Variants in GLRA3 observed in about 807,000 individuals in gnomAD.
The protein encoded by GLRA3 is glycine receptor subunit alpha-3.
Under a neutral mutation model 60.4 loss-of-function variants are expected in GLRA3, and 44 were observed. The observed-to-expected ratio is 0.73, with a 90% CI of 0.57 to 0.94. GLRA3 has a LOEUF of 0.94. Among genes scored for constraint, GLRA3 ranks in the 40% least tolerant of loss-of-function variants. GLRA3 has a pLI of 0.00. For synonymous variants in GLRA3, 223 were observed against 192.9 expected, an observed-to-expected ratio of 1.16 and a Z score of -1.29; for missense variants, 508 against 564.6, an observed-to-expected ratio of 0.90 and a Z score of 1.02.
At chr4:174,812,551 T>C (rs1260014671) in intron 1 of GLRA3, among the ~76,000 whole-genome samples, 1 of 151,890 alleles carries the variant, frequency 6.6e-6, no homozygotes, top group East Asian at 1.9e-4. Context: ...AGGAGAAAAT[T>C]AAACAATAAA....
chr4:174,788,853 T>G lies in GLRA3; in HGVS notation c.162A>C (p.Thr54=). The change falls in exon 2 of 10, where the codon ACA becomes ACC. Residue 54 remains threonine (T), a synonymous_variant. Transcript: ENST00000274093. ...GTCTGATTCTTGCATCATATCCTGA[T>G]GTCCTGCCCATTAATTTATCCAGAA... ...SDFLDKLMGR[T]SGYDARIRPN... is the part of the protein sequence containing the mutation. The G allele has an allele frequency of 6.2e-7, 1 of 1,608,944 alleles. No individual in the cohort carries two copies. Among genetic ancestry groups the G allele is most frequent in the Non-Finnish European group, 8.5e-7 (1 of 1,176,326 alleles).
chr4:174,816,955 A>C lies in GLRA3; in HGVS notation c.71+11786T>G, dbSNP rs564572964. On this transcript the variant is annotated intron_variant, in intron 1 of 9. Coordinates refer to ENST00000274093, the MANE Select transcript of GLRA3 (RefSeq NM_006529.4). ...AAAATGGGGTATCCACCCCTCAACT[A>C]TTTCCATATTACTTCTTTAGTGATA... 2.0e-5 allele frequency among the ~76,000 whole-genome samples: 3 copies of C among 152,176 alleles called. No individual in the cohort carries two copies. The South Asian group carries it at 6.2e-4, about 32-fold the overall frequency.
Position 174,649,172 on chromosome 4 carries a change from A to G in GLRA3, c.1117-5108T>C, listed in dbSNP as rs558793251. 2.6e-5 allele frequency among the ~76,000 whole-genome samples: 4 copies of G among 152,298 alleles called. No individual in the cohort carries two copies. The South Asian group carries it at 8.3e-4, about 32-fold the overall frequency. On this transcript the variant is annotated intron_variant, in intron 9 of 9. Transcript: ENST00000274093. ...GTTAAAGATGAATTGTCATGGGGGT[A>G]GTGAACACAGCTTCTTGCAATTACC...
intron 3 of GLRA3, among the ~76,000 whole-genome samples, chr4:174,737,190 TA>T (rs1736832193): frequency 6.6e-6 from 1 of 152,166 alleles, no homozygotes. Context: ...TTTACCAAAA[TA>T]AATAATGTGA....
In GLRA3 at chr4:174,717,348, G is replaced by T. The variant is rs188273095; in HGVS notation, c.492-1778C>A. Among the ~76,000 whole-genome samples the T allele has an allele frequency of 2.4e-3, 340 of 141,098 alleles. 2 individuals are homozygous for T. Among genetic ancestry groups the T allele is most frequent in the African/African-American group, 8.2e-3 (317 of 38,654 alleles). The allele number at this position is 141,098 out of a possible 152,430, so 92.6% of individuals were successfully genotyped here. On this transcript the variant is annotated intron_variant, in intron 4 of 9. Transcript: ENST00000274093. Reference sequence around the variant, plus strand: ...GAAACAAAGAAACAAAGAAAGGAGGGAGGAAAGAAAGAAGGAAAGGAAGGA... The same window carrying T: ...GAAACAAAGAAACAAAGAAAGGAGGTAGGAAAGAAAGAAGGAAAGGAAGGA...
intron 9 of GLRA3, among the ~76,000 whole-genome samples, chr4:174,647,533 AC>A (rs1448399569): frequency 6.6e-6 from 1 of 152,162 alleles, no homozygotes; most frequent in Non-Finnish European, 1.5e-5. Context: ...TTGGAAGGAC[AC>A]TGCCCTTAAT....
In GLRA3 at chr4:174,772,745, G is replaced by T. The variant is rs372563522; in HGVS notation, c.200-5715C>A. ...GGAGCCATAACAGATTCTTAACCTT[G>T]GAAGTGTAGGAACTAACATGACTCG... On this transcript the variant is annotated intron_variant, in intron 2 of 9. Coordinates refer to ENST00000274093, the MANE Select transcript of GLRA3 (RefSeq NM_006529.4). Among the ~76,000 whole-genome samples the T allele has an allele frequency of 2.6e-5, 4 of 152,204 alleles. No individual in the cohort carries two copies. The East Asian group carries it at 7.7e-4, about 29-fold the overall frequency.
chr4:174,727,666 A>G (rs530064787), intron 4 of GLRA3, among the ~76,000 whole-genome samples: 1 of 152,318 alleles, frequency 6.6e-6, no homozygotes, highest in African/African-American at 2.4e-5. Context: ...ATATCATGTA[A>G]GTAGCTATTT....
At position 174,637,187 on chromosome 4, in the gene GLRA3, T is replaced by A. The variant is rs1025128265; in HGVS notation, c.*6599A>T. On this transcript the variant is annotated 3_prime_UTR_variant, in exon 10 of 10. Transcript: ENST00000274093. Reference sequence around the variant, plus strand: ...AAGACTCAAGAAGACAGAAAAATAATTTACACCATAAAAACCATAAAATAG... The same window carrying A: ...AAGACTCAAGAAGACAGAAAAATAAATTACACCATAAAAACCATAAAATAG... The A allele has an allele frequency of 6.6e-6, 1 of 152,064 alleles. No individual in the cohort carries two copies. Among genetic ancestry groups the A allele is most frequent in the Non-Finnish European group, 1.5e-5 (1 of 68,008 alleles). The allele number at this position is 152,064 out of a possible 1,614,324, so 9.4% of individuals were successfully genotyped here. A position where few individuals can be genotyped will look rare whatever the true frequency, so the allele number is the denominator to read the frequency against.
intron 7 of GLRA3, 69 bp downstream of exon 7, chr4:174,677,009 G>A (rs1484083800): frequency 4.2e-6 from 4 of 946,874 alleles, no homozygotes; most frequent in Non-Finnish European, 5.1e-6. Context: ...GACCAAAGCT[G>A]ACAATGATAT....
intron 7 of GLRA3, among the ~76,000 whole-genome samples, 183 bp from the exon 8 acceptor site, chr4:174,659,380 C>A (rs1396340538): frequency 6.6e-6 from 1 of 151,954 alleles, no homozygotes; most frequent in African/African-American, 2.4e-5. Flanking sequence ...GTATTATGAG[C>A]ATTTTGTTAA....
chr4:174,778,617 A>G (rs1026007150), intron 2 of GLRA3, among the ~76,000 whole-genome samples: 39 of 151,446 alleles, frequency 2.6e-4, no homozygotes, highest in Admixed American at 1.2e-3. Context: ...CAGTGGGTGC[A>G]CGCACCGTGC....
intron 2 of GLRA3, among the ~76,000 whole-genome samples, chr4:174,783,922 G>C (rs2111288751): frequency 6.6e-6 from 1 of 151,458 alleles, no homozygotes; most frequent in Non-Finnish European, 1.5e-5. Flanking sequence ...CGATTCCTCA[G>C]GGATCTAGAA....
rs1156480235 is a variant in GLRA3, at chr4:174,638,832, A to G, written c.*4954T>C. On this transcript the variant is annotated 3_prime_UTR_variant, in exon 10 of 10. Transcript: ENST00000274093. ...GTGCCAGGCACACATAAGGTACTCAATGAATATTTGTTTAATCAATGATTA... is the reference window on the plus strand; with the variant it reads ...GTGCCAGGCACACATAAGGTACTCAGTGAATATTTGTTTAATCAATGATTA... 2 of 152,206 alleles carry G rather than the reference A, an allele frequency of 1.3e-5. No homozygotes were observed. The highest frequency in any genetic ancestry group is 4.8e-5 in the African/African-American group (2 of 41,458). 9.4% of individuals were successfully genotyped at this position (152,206 alleles called of 1,614,324 possible).
chr4:174,697,758 A>G (rs1561062619), intron 5 of GLRA3, among the ~76,000 whole-genome samples: 1 of 146,170 alleles, frequency 6.8e-6, no homozygotes, highest in Non-Finnish European at 1.5e-5. Flanking sequence ...AATGACAAAC[A>G]CAACAATAAC....
Position 174,643,321 on chromosome 4 carries a change from C to A in GLRA3, c.*465G>T, listed in dbSNP as rs1303807719. ...CCTCCATTAATATGAGTGAATTTCC[C>A]ACTGTAACTAATTATTTTCCCATTT... is the stretch of plus-strand genomic sequence containing the variant. On this transcript the variant is annotated 3_prime_UTR_variant, in exon 10 of 10. Transcript: ENST00000274093. The A allele has an allele frequency of 1.2e-5, 7 of 580,462 alleles. No individual in the cohort carries two copies. Among genetic ancestry groups the A allele is most frequent in the Non-Finnish European group, 1.4e-5 (7 of 505,748 alleles). The allele number at this position is 580,462 out of a possible 1,614,324, so 36.0% of individuals were successfully genotyped here.
chr4:174,822,621 A>G (rs1740785035), intron 1 of GLRA3, among the ~76,000 whole-genome samples: 1 of 152,180 alleles, frequency 6.6e-6, no homozygotes, highest in African/African-American at 2.4e-5. Flanking sequence ...TGGACCAGTT[A>G]CCTCCATTGT....
intron 5 of GLRA3, among the ~76,000 whole-genome samples, chr4:174,702,650 C>T (rs768988425): frequency 6.6e-6 from 1 of 152,140 alleles, no homozygotes; most frequent in Non-Finnish European, 1.5e-5. Context: ...TCACTGCAAC[C>T]TTGAAGTCCT....
intron 5 of GLRA3, among the ~76,000 whole-genome samples, chr4:174,707,985 A>G (rs923626320): frequency 6.6e-6 from 1 of 152,170 alleles, no homozygotes; most frequent in Non-Finnish European, 1.5e-5. Flanking sequence ...GTTTAAGTGG[A>G]GATTTATTTT....
Sources: allele counts gnomAD v4.1 joint callset (sites outside exome capture counted in the v4.1 genomes callset), GRCh38; gene constraint gnomAD v4.1.1; transcripts MANE v1.5; gene names NCBI Gene and HGNC (gene_info 2026-07-23, HGNC 2026-07-21).